Variants in NTRK2 observed in about 807,000 individuals in gnomAD.
NTRK2 encodes BDNF/NT-3 growth factors receptor.
In NTRK2, 13 loss-of-function variants were observed where a neutral mutation model predicts 94.5. The ratio of observed to expected loss-of-function variants is 0.14; its 90% confidence interval spans 0.09 to 0.22. NTRK2 has a LOEUF of 0.22. NTRK2 is among the 10% of genes least tolerant of loss of function. NTRK2 has a pLI of 1.00. For synonymous variants in NTRK2, 372 were observed against 407.4 expected, an observed-to-expected ratio of 0.91 and a Z score of 1.05; for missense variants, 639 against 1,071.2, an observed-to-expected ratio of 0.60 and a Z score of 5.63.
intron 12 of NTRK2, among the ~76,000 whole-genome samples, chr9:84,829,173 A>AT (rs1295901707): frequency 1.3e-5 from 2 of 151,806 alleles, no homozygotes; most frequent in East Asian, 3.9e-4. Flanking sequence ...TAATTTTTGC[A>AT]TTTTTAGTAG....
intron 12 of NTRK2, among the ~76,000 whole-genome samples, chr9:84,777,817 G>A (rs1163442121): frequency 6.6e-6 from 1 of 152,122 alleles, no homozygotes; most frequent in Non-Finnish European, 1.5e-5. Context: ...CATGCAAGAG[G>A]TTTGTTTGTA....
intron 12 of NTRK2, among the ~76,000 whole-genome samples, chr9:84,859,166 C>T (rs116084318): frequency 0.011 from 1,627 of 152,192 alleles, 35 homozygotes; most frequent in African/African-American, 0.037. Context: ...TTGGGAGAAG[C>T]GGGGTGTGAA....
At chr9:84,905,163 C>A (rs2077034934) in intron 14 of NTRK2, among the ~76,000 whole-genome samples, 2 of 152,028 alleles carry the variant, frequency 1.3e-5, no homozygotes, top group Admixed American at 6.6e-5. Context: ...GATATGGGGA[C>A]AAAATGTCCC....
chr9:84,744,633 C>T (rs1184294986), intron 10 of NTRK2, among the ~76,000 whole-genome samples: 2 of 152,056 alleles, frequency 1.3e-5, no homozygotes, highest in East Asian at 1.9e-4. Flanking sequence ...ATCTATGACA[C>T]GTAGATGATC....
chr9:84,801,396 C>T (rs780608889), intron 12 of NTRK2, among the ~76,000 whole-genome samples: 2 of 152,190 alleles, frequency 1.3e-5, no homozygotes, highest in Non-Finnish European at 2.9e-5. Context: ...TCCAGTGGTA[C>T]TAGTTAGTAC....
At chr9:84,997,256 G>A (rs922759356) in intron 17 of NTRK2, among the ~76,000 whole-genome samples, 2 of 152,148 alleles carry the variant, frequency 1.3e-5, no homozygotes, top group Non-Finnish European at 2.9e-5. Flanking sequence ...ACTGGCCCGG[G>A]GCAAAGCTGG....
At chr9:84,704,824 A>C (rs969106760) in intron 4 of NTRK2, among the ~76,000 whole-genome samples, 2 of 152,210 alleles carry the variant, frequency 1.3e-5, no homozygotes, top group Non-Finnish European at 2.9e-5. Flanking sequence ...CTTAATCACC[A>C]AAATCTGAAA....
chr9:84,958,032 C>A (rs1411143538), intron 17 of NTRK2, among the ~76,000 whole-genome samples: 3 of 152,010 alleles, frequency 2.0e-5, no homozygotes, highest in African/African-American at 7.2e-5. Context: ...ATGAAATGTC[C>A]AGAATAGGCA....
chr9:85,023,823 G>T lies in NTRK2; in HGVS notation c.*2386G>T, dbSNP rs1230808156. On this transcript the variant is annotated 3_prime_UTR_variant, in exon 19 of 19. Transcript: ENST00000277120. The stretch of plus-strand genomic sequence containing the variant: ...ACAGGTTTGTCACGCTGCATGTCTG[G>T]CCAGCTAATCTCGGGGGAAAAGCTA... 2 of 229,320 alleles carry T rather than the reference G, an allele frequency of 8.7e-6. No individual in the cohort carries two copies. The highest frequency in any genetic ancestry group is 1.1e-4 in the Admixed American group (2 of 17,604). The allele number at this position is 229,320 out of a possible 1,614,324, so 14.2% of individuals were successfully genotyped here.
intron 17 of NTRK2, among the ~76,000 whole-genome samples, chr9:85,002,040 C>T (rs922709332): frequency 1.3e-5 from 2 of 152,176 alleles, no homozygotes; most frequent in Admixed American, 1.3e-4. Flanking sequence ...AATCTGATTG[C>T]AGCAAACAGG....
chr9:84,788,520 C>A (rs1291444674), intron 12 of NTRK2, among the ~76,000 whole-genome samples: 1 of 152,026 alleles, frequency 6.6e-6, no homozygotes, highest in Non-Finnish European at 1.5e-5. Flanking sequence ...TCCTAGAGAC[C>A]AGAGCTTGCT....
At chr9:84,814,364 C>T (rs572530615) in intron 12 of NTRK2, 9 of 1,065,180 alleles carry the variant, frequency 8.4e-6, no homozygotes, top group Admixed American at 1.1e-4. Flanking sequence ...ACGCCAGGTG[C>T]GAGAGAGAGC....
At chr9:84,831,758 G>A (rs2073562403) in intron 12 of NTRK2, among the ~76,000 whole-genome samples, 1 of 152,196 alleles carries the variant, frequency 6.6e-6, no homozygotes, top group Admixed American at 6.5e-5. Context: ...TCAGGGCCTA[G>A]GCCACATGAT....
At chr9:84,681,620 A>G (rs1331915035) in intron 2 of NTRK2, among the ~76,000 whole-genome samples, 1 of 152,096 alleles carries the variant, frequency 6.6e-6, no homozygotes, top group Non-Finnish European at 1.5e-5. Flanking sequence ...AATATAATTC[A>G]TGCCATCATC....
chr9:84,810,619 T>C, intron 12 of NTRK2: 2 of 1,613,774 alleles, frequency 1.2e-6, no homozygotes, highest in Non-Finnish European at 1.7e-6. Flanking sequence ...GCTGTGGTGC[T>C]TGTTGGTTGA....
chr9:84,932,174 A>G (rs1034397772), intron 14 of NTRK2, among the ~76,000 whole-genome samples: 1 of 152,248 alleles, frequency 6.6e-6, no homozygotes, highest in Non-Finnish European at 1.5e-5. Context: ...CAGGCTGTCC[A>G]TCAACATAGA....
intron 14 of NTRK2, among the ~76,000 whole-genome samples, chr9:84,919,488 A>G (rs1230790661): frequency 2.6e-5 from 4 of 152,220 alleles, no homozygotes. Flanking sequence ...TCTTTAACTG[A>G]CAAGTCATGT....
intron 12 of NTRK2, among the ~76,000 whole-genome samples, chr9:84,794,035 C>T (rs2799482): frequency 0.66 from 100,712 of 152,020 alleles, 33,506 homozygotes; most frequent in East Asian, 0.72. Flanking sequence ...TGACTTTGTA[C>T]AAGCTCAAGC....
chr9:84,727,574 C>T, intron 8 of NTRK2, 80 bp from the exon 9 acceptor site: 1 of 1,374,150 alleles, frequency 7.3e-7, no homozygotes, highest in Non-Finnish European at 1.0e-6. Context: ...AGTAAAATTC[C>T]CTATCAATGA....
Sources: gnomAD v4.1 joint callset for allele counts (sites outside exome capture counted in the v4.1 genomes callset) on GRCh38, gnomAD v4.1.1 for gene constraint, MANE v1.5 for transcripts, NCBI Gene and HGNC (gene_info 2026-07-23, HGNC 2026-07-21) for gene names.